FNDC3A: variants seen among roughly 807,000 people sequenced by gnomAD.
The protein encoded by FNDC3A is fibronectin type III domain containing 3A.
FNDC3A carries 32 observed loss-of-function variants against 148.9 expected under a neutral mutation model. That is an observed-to-expected ratio of 0.21 (90% CI 0.16 to 0.29). FNDC3A has a LOEUF of 0.29. Among genes scored for constraint, FNDC3A ranks in the 10% least tolerant of loss-of-function variants. The pLI, the probability that FNDC3A is intolerant of heterozygous loss-of-function variation, is 1.00. For missense variants in FNDC3A, 1,191 were observed against 1,452.8 expected, an observed-to-expected ratio of 0.82 and a Z score of 2.93; for synonymous variants, 472 against 473.6, an observed-to-expected ratio of 1.00 and a Z score of 0.04.
chr13:49,026,916 A>G (rs960101438), intron 2 of FNDC3A, among the ~76,000 whole-genome samples: 2 of 152,172 alleles, frequency 1.3e-5, no homozygotes, highest in African/African-American at 2.4e-5. Flanking sequence ...GAGTGGGGAG[A>G]CAGCAGAGGA....
intron 7 of FNDC3A, among the ~76,000 whole-genome samples, chr13:49,139,407 TCC>T (rs1015155505): frequency 6.6e-6 from 1 of 152,216 alleles, no homozygotes; most frequent in Non-Finnish European, 1.5e-5. Flanking sequence ...AACTACTCTT[TCC>T]CAACTCTCAG....
intron 1 of FNDC3A, among the ~76,000 whole-genome samples, chr13:48,980,256 A>T (rs1463842725): frequency 6.6e-6 from 1 of 152,174 alleles, no homozygotes; most frequent in Non-Finnish European, 1.5e-5. Context: ...AGGTGTATCA[A>T]CTGCCTGTGC....
At chr13:49,019,453 G>C (rs1247828464) in intron 2 of FNDC3A, among the ~76,000 whole-genome samples, 2 of 152,234 alleles carry the variant, frequency 1.3e-5, no homozygotes, top group Non-Finnish European at 2.9e-5. Context: ...GCCTCGCCCT[G>C]CTTCGGCTCA....
intron 3 of FNDC3A, among the ~76,000 whole-genome samples, chr13:49,082,791 G>C (rs561284279): frequency 6.6e-6 from 1 of 152,216 alleles, no homozygotes; most frequent in African/African-American, 2.4e-5. Flanking sequence ...GCCTGGTATA[G>C]GGAGTCAGAG....
intron 2 of FNDC3A, among the ~76,000 whole-genome samples, chr13:49,063,669 G>T (rs1877053714): frequency 1.3e-5 from 2 of 152,138 alleles, no homozygotes; most frequent in African/African-American, 4.8e-5. Context: ...AGTTAGTCAG[G>T]AACAAAATAT....
At position 49,190,022 on chromosome 13, in the gene FNDC3A, G is replaced by A. The variant is rs1410867980; in HGVS notation, c.1945-993G>A. On this transcript the variant is annotated intron_variant, in intron 17 of 25. Coordinates refer to ENST00000492622, the MANE Select transcript of FNDC3A (RefSeq NM_001079673.2). ...CTGCCTCAGCCTTCCAAGTAGCTGGGACTACAGGTGCCTGCCACCATGCCC... is the reference window on the plus strand; with the variant it reads ...CTGCCTCAGCCTTCCAAGTAGCTGGAACTACAGGTGCCTGCCACCATGCCC... Among the ~76,000 whole-genome samples, 4 of 152,066 alleles carry A rather than the reference G, an allele frequency of 2.6e-5. No homozygotes were observed. The East Asian group carries it at 7.7e-4, about 29-fold the overall frequency.
At chr13:49,157,824 AGGCTGCTC>A (rs1227728638) in intron 8 of FNDC3A, among the ~76,000 whole-genome samples, 1 of 133,294 alleles carries the variant, frequency 7.5e-6, no homozygotes, top group Non-Finnish European at 1.6e-5. Flanking sequence ...CCTCCCAGTT[AGGCTGCTC>A]GGGGGTCAGG....
intron 15 of FNDC3A, 112 bp downstream of exon 15, chr13:49,186,214 C>A: frequency 2.3e-6 from 2 of 876,928 alleles, no homozygotes; most frequent in Non-Finnish European, 3.5e-6. Flanking sequence ...CAAGCCAGTC[C>A]AAAAAGAAAT....
At chr13:49,206,523 C>G (rs1886653508) in intron 25 of FNDC3A, among the ~76,000 whole-genome samples, 1 of 152,044 alleles carries the variant, frequency 6.6e-6, no homozygotes, top group African/African-American at 2.4e-5. Context: ...TTTTTATTTC[C>G]CTTGTGAGGC....
chr13:49,002,088 A>G (rs183165390), intron 1 of FNDC3A, among the ~76,000 whole-genome samples: 1 of 152,272 alleles, frequency 6.6e-6, no homozygotes, highest in East Asian at 1.9e-4. Flanking sequence ...ACCGGCTGAC[A>G]CTTAAGGAAA....
At chr13:49,015,284 G>T (rs1026304322) in intron 2 of FNDC3A, among the ~76,000 whole-genome samples, 17 of 152,132 alleles carry the variant, frequency 1.1e-4, no homozygotes, top group African/African-American at 3.9e-4. Flanking sequence ...TTGAGCAATG[G>T]TTTGTAGTTC....
At chr13:49,187,049 G>A in intron 15 of FNDC3A, 73 bp from the exon 16 acceptor site, 1 of 1,130,792 alleles carries the variant, frequency 8.8e-7, no homozygotes, top group Non-Finnish European at 1.3e-6. Context: ...TTGGTATTCT[G>A]TTTATTAGGT....
chr13:49,038,132 G>A (rs1874639172), intron 2 of FNDC3A, among the ~76,000 whole-genome samples: 2 of 152,226 alleles, frequency 1.3e-5, no homozygotes, highest in South Asian at 4.2e-4. Flanking sequence ...GTGTTCAGGC[G>A]CTCCTTCTCT....
In FNDC3A at chr13:49,114,724, C is replaced by A; in HGVS notation, c.245C>A (p.Ala82Asp). The A allele has an allele frequency of 6.2e-7, 1 of 1,601,368 alleles. No individual in the cohort carries two copies. The highest frequency in any genetic ancestry group is 8.6e-7 in the Non-Finnish European group (1 of 1,168,498). Residue 82 changes from alanine to aspartate, a missense_variant, in exon 4 of 26, where the codon GCC (alanine) becomes GAC (aspartate). Ala to Asp is a moderately radical substitution (Grantham distance 126). This residue lies in a region of FNDC3A where 426 missense variants were observed against 473.2 expected (regional missense o/e 0.90). Coordinates refer to ENST00000492622, the MANE Select transcript of FNDC3A (RefSeq NM_001079673.2). ...VPPIYVPPGYAPQVIEDNGVR... is the reference protein window; with the variant it reads ...VPPIYVPPGYDPQVIEDNGVR... ...CCTATCTATGTGCCTCCTGGATATG[C>A]CCCACAGGTATGTTTTTATGCTATT...
At position 49,144,688 on chromosome 13, in the gene FNDC3A, A is replaced by G. The variant is rs554924557; in HGVS notation, c.820-1090A>G. 2.0e-5 allele frequency among the ~76,000 whole-genome samples: 3 copies of G among 152,314 alleles called. No individual in the cohort carries two copies. In the South Asian group the frequency reaches 6.2e-4, roughly 32 times the overall value. ...CCAGTAGTATAAAAATATATAAAAC[A>G]TAATTGAAACCACATGTTTTTTTCT... On this transcript the variant is annotated intron_variant, in intron 7 of 25. Coordinates refer to ENST00000492622, the MANE Select transcript of FNDC3A (RefSeq NM_001079673.2).
At chr13:49,124,379 A>T (rs1050080333) in intron 4 of FNDC3A, among the ~76,000 whole-genome samples, 6 of 152,068 alleles carry the variant, frequency 3.9e-5, no homozygotes, top group Non-Finnish European at 8.8e-5. Flanking sequence ...ATTAGGAGAA[A>T]TACCTAATAT....
intron 14 of FNDC3A, among the ~76,000 whole-genome samples, chr13:49,181,676 C>T (rs1389243186): frequency 2.0e-5 from 3 of 151,944 alleles, no homozygotes; most frequent in African/African-American, 2.4e-5. Context: ...CTAGATATTG[C>T]AGATTCTTTC....
At chr13:48,998,284 A>T (rs1005996915) in intron 1 of FNDC3A, among the ~76,000 whole-genome samples, 6 of 152,202 alleles carry the variant, frequency 3.9e-5, no homozygotes, top group Non-Finnish European at 5.9e-5. Context: ...CTGCTTATTC[A>T]GGTTGAGCAT....
chr13:49,131,936 C>CCAGACTTATTCCT (rs2137926635), intron 5 of FNDC3A, among the ~76,000 whole-genome samples: 1 of 152,206 alleles, frequency 6.6e-6, no homozygotes, highest in Admixed American at 6.5e-5. Flanking sequence ...ACTGCCTTCT[C>CCAGACTTATTCCT]GATAACTTCA....
Sources: gnomAD v4.1 joint callset for allele counts (sites outside exome capture counted in the v4.1 genomes callset) on GRCh38, gnomAD v4.1.1 for gene constraint, gnomAD v4.1.1 regional missense constraint, MANE v1.5 for transcripts, NCBI Gene and HGNC (gene_info 2026-07-23, HGNC 2026-07-21) for gene names.